Variants in SEMA6D observed in about 807,000 individuals in gnomAD.
SEMA6D encodes semaphorin 6D, also known as semaphorin-6D.
SEMA6D carries 35 observed loss-of-function variants against 106.6 expected under a neutral mutation model. That is an observed-to-expected ratio of 0.33 (90% CI 0.25 to 0.44). The LOEUF (loss-of-function observed/expected upper bound fraction) is 0.44, where lower values mean the gene tolerates loss of function less well. Among genes scored for constraint, SEMA6D ranks in the 20% least tolerant of loss-of-function variants. The pLI is 1.00. For synonymous variants in SEMA6D, 499 were observed against 487.7 expected (o/e 1.02, Z -0.31); for missense variants, 1,185 against 1,345.9 (o/e 0.88, Z 1.87).
intron 4 of SEMA6D, among the ~76,000 whole-genome samples, chr15:47,609,165 G>A (rs2076841188): frequency 6.6e-6 from 1 of 152,194 alleles, no homozygotes; most frequent in Non-Finnish European, 1.5e-5. Flanking sequence ...GTAACAAATA[G>A]AAGAATGGAG....
chr15:47,710,613 G>T (rs1304152074), intron 4 of SEMA6D, among the ~76,000 whole-genome samples: 1 of 152,150 alleles, frequency 6.6e-6, no homozygotes, highest in Non-Finnish European at 1.5e-5. Flanking sequence ...CACACAGTGT[G>T]TGCAATGATA....
chr15:47,621,249 A>T (rs1004374936), intron 4 of SEMA6D, among the ~76,000 whole-genome samples: 1 of 152,206 alleles, frequency 6.6e-6, no homozygotes, highest in Non-Finnish European at 1.5e-5. Context: ...CACTTGCATC[A>T]TAGATGCTTG....
intron 3 of SEMA6D, among the ~76,000 whole-genome samples, chr15:47,514,600 A>G (rs925556612): frequency 1.3e-5 from 2 of 152,186 alleles, no homozygotes; most frequent in Admixed American, 1.3e-4. Flanking sequence ...TCATCAGAAA[A>G]CTATGAAAGC....
Position 47,764,705 on chromosome 15 carries a change from ACT to A in SEMA6D, c.1168_1169del (p.Leu390ValfsTer19), listed in dbSNP as rs1436455334. On this transcript the variant is annotated frameshift_variant, in exon 12 of 19. Transcript: ENST00000536845. LOFTEE classifies it high-confidence loss of function. ...YKTSIDFPDE[T>X]LSFIKSHPLM... Reference sequence around the variant, plus strand: ...AACCTCCATCGATTTCCCGGATGAAACTCTGTCATTCATCAAATCTCATCCCC... The same window carrying A: ...AACCTCCATCGATTTCCCGGATGAAACTGTCATTCATCAAATCTCATCCCC... 1 of 1,613,948 alleles carries A rather than the reference ACT, an allele frequency of 6.2e-7. No homozygotes were observed.
At chr15:47,731,490 A>G (rs1308674796) in intron 1 of SEMA6D, among the ~76,000 whole-genome samples, 2 of 152,210 alleles carry the variant, frequency 1.3e-5, no homozygotes, top group Non-Finnish European at 2.9e-5. Flanking sequence ...TGTTCTATGA[A>G]AAAGGGAGAG....
intron 1 of SEMA6D, among the ~76,000 whole-genome samples, chr15:47,329,241 GAAAGA>G (rs2037246332): frequency 3.3e-5 from 5 of 152,184 alleles, no homozygotes; most frequent in Admixed American, 1.3e-4. Flanking sequence ...TTGTGCAGCA[GAAAGA>G]GCTGAGGGGT....
At chr15:47,271,865 C>G (rs2034576372) in intron 1 of SEMA6D, among the ~76,000 whole-genome samples, 1 of 152,168 alleles carries the variant, frequency 6.6e-6, no homozygotes, top group South Asian at 2.1e-4. Flanking sequence ...TGCTTTCAAG[C>G]TGGAATATTG....
intron 3 of SEMA6D, among the ~76,000 whole-genome samples, chr15:47,471,931 T>TCTCTCTCACACA (rs1555445502): frequency 1.6e-5 from 2 of 121,506 alleles, no homozygotes; most frequent in East Asian, 2.5e-4. Flanking sequence ...TCTCTCTCTC[T>TCTCTCTCACACA]CACACACACA....
At chr15:47,429,183 C>T (rs1228472589) in intron 2 of SEMA6D, among the ~76,000 whole-genome samples, 2 of 152,002 alleles carry the variant, frequency 1.3e-5, no homozygotes, top group African/African-American at 4.8e-5. Flanking sequence ...ATAACGATAC[C>T]ATGCAGAGAG....
intron 1 of SEMA6D, among the ~76,000 whole-genome samples, chr15:47,199,408 A>G (rs1894567978): frequency 6.6e-6 from 1 of 152,176 alleles, no homozygotes; most frequent in South Asian, 2.1e-4. Flanking sequence ...GCAAAGGTAT[A>G]AGCAAGCCAC....
chr15:47,241,319 AC>A (rs2032892310), intron 1 of SEMA6D: 1 of 152,174 alleles, frequency 6.6e-6, no homozygotes, highest in Non-Finnish European at 1.5e-5. Context: ...AAAAGAAACG[AC>A]CGAAATCAAA....
intron 1 of SEMA6D, among the ~76,000 whole-genome samples, chr15:47,391,591 A>C (rs1337215084): frequency 6.6e-6 from 1 of 152,180 alleles, no homozygotes. Flanking sequence ...TGACCTATCA[A>C]CACTAAATTG....
intron 3 of SEMA6D, among the ~76,000 whole-genome samples, chr15:47,535,654 C>T (rs1428883124): frequency 6.6e-6 from 1 of 150,986 alleles, no homozygotes; most frequent in Non-Finnish European, 1.5e-5. Context: ...CACTATAATA[C>T]TAGATAGAAA....
intron 1 of SEMA6D, among the ~76,000 whole-genome samples, chr15:47,720,261 CTTTTTTTTTT>C (rs869122623): frequency 2.1e-5 from 2 of 97,166 alleles, no homozygotes; most frequent in African/African-American, 3.9e-5. Context: ...AATAACCTTT[CTTTTTTTTTT>C]TTTTTTTTTT....
rs150423896 is a variant in SEMA6D, at chr15:47,189,981, A to C, written c.-239+5563A>C. 3.3e-4 allele frequency among the ~76,000 whole-genome samples: 50 copies of C among 152,316 alleles called. No homozygotes were observed. In the East Asian group the frequency reaches 5.4e-3, roughly 16 times the overall value. On this transcript the variant is annotated intron_variant, in intron 1 of 19. Coordinates refer to the SEMA6D transcript ENST00000558014. ...GTGATGATTTCTAATTGGCAAGTGA[A>C]CCTCAGAGGATTATTTATAGATTAC... is the stretch of plus-strand genomic sequence containing the variant.
At chr15:47,682,700 G>A (rs1305978400) in intron 4 of SEMA6D, among the ~76,000 whole-genome samples, 1 of 152,142 alleles carries the variant, frequency 6.6e-6, no homozygotes, top group African/African-American at 2.4e-5. Context: ...TTAAACTACT[G>A]CAAATCATTC....
At chr15:47,558,918 T>G (rs1327689000) in intron 3 of SEMA6D, among the ~76,000 whole-genome samples, 1 of 151,798 alleles carries the variant, frequency 6.6e-6, no homozygotes, top group Non-Finnish European at 1.5e-5. Context: ...AGGAACAACT[T>G]TATAAAGGAG....
intron 1 of SEMA6D, chr15:47,730,566 C>G: frequency 7.0e-7 from 1 of 1,435,370 alleles, no homozygotes; most frequent in Non-Finnish European, 9.8e-7. Context: ...GGGACATCCC[C>G]TTTGCCAGCA....
chr15:47,726,875 T>G (rs1043052018), intron 1 of SEMA6D, among the ~76,000 whole-genome samples: 4 of 152,216 alleles, frequency 2.6e-5, no homozygotes, highest in African/African-American at 9.6e-5. Flanking sequence ...TTAACTGATA[T>G]ATGTACCTTG....
Sources: gnomAD v4.1 joint callset for allele counts (sites outside exome capture counted in the v4.1 genomes callset) on GRCh38, gnomAD v4.1.1 for gene constraint, MANE v1.5 for transcripts, NCBI Gene and HGNC (gene_info 2026-07-23, HGNC 2026-07-21) for gene names.